The following COL4A6 variants were observed in gnomAD, a reference collection of about 807,000 sequenced individuals.
COL4A6 encodes the protein collagen alpha-6(IV) chain.
Under a neutral mutation model 126.7 loss-of-function variants are expected in COL4A6, and 59 were observed. The ratio of observed to expected loss-of-function variants is 0.47; its 90% CI spans 0.38 to 0.58. The LOEUF is 0.58. Among genes scored for constraint, COL4A6 ranks in the 20% least tolerant of loss-of-function variants. The probability of loss-of-function intolerance (pLI) is 0.00; values close to 1 mark genes in which losing one functional copy is unlikely to be tolerated. For missense variants in COL4A6, 1,285 were observed against 1,337.3 expected, an observed-to-expected ratio of 0.96 and a Z score of 0.61; for synonymous variants, 547 against 496.6, an observed-to-expected ratio of 1.10 and a Z score of -1.35.
intron 3 of COL4A6, among the ~76,000 whole-genome samples, chrX:108,281,895 A>T (rs999534851): frequency 2.7e-5 from 3 of 110,826 alleles, no homozygotes; most frequent in African/African-American, 9.8e-5. Flanking sequence ...AGCAATGGGG[A>T]AAGGATTCCC....
At chrX:108,346,146 G>T (rs748445845) in intron 2 of COL4A6, among the ~76,000 whole-genome samples, 1 of 111,519 alleles carries the variant, frequency 9.0e-6, no homozygotes, top group South Asian at 3.8e-4. Context: ...GAGCCATGTG[G>T]ATACTGCCTT....
At chrX:108,354,605 C>T (rs1315497598) in intron 2 of COL4A6, among the ~76,000 whole-genome samples, 1 of 93,010 alleles carries the variant, frequency 1.1e-5, no homozygotes, top group Non-Finnish European at 2.1e-5. Context: ...CCCTCCCCCC[C>T]CCCTTTTTTT....
intron 2 of COL4A6, among the ~76,000 whole-genome samples, chrX:108,391,230 G>C (rs1255566278): frequency 8.9e-6 from 1 of 112,059 alleles, no homozygotes; most frequent in Non-Finnish European, 1.9e-5. Context: ...GCTGTGCTGG[G>C]AGAACCGCTG....
At chrX:108,405,148 A>G (rs1426161925) in intron 2 of COL4A6, among the ~76,000 whole-genome samples, 1 of 111,081 alleles carries the variant, frequency 9.0e-6, no homozygotes, top group African/African-American at 3.3e-5. Context: ...TTTGAGAAGC[A>G]GTTTGAAATT....
chrX:108,433,421 C>T (rs774168790), intron 2 of COL4A6, among the ~76,000 whole-genome samples: 6 of 111,653 alleles, frequency 5.4e-5, no homozygotes, highest in Non-Finnish European at 1.1e-4. Context: ...TGTTATCCCA[C>T]GATGTTCTTT....
chrX:108,169,701 G>A (rs1184723421), intron 36 of COL4A6, 81 bp from the exon 37 acceptor site: 1 of 1,099,312 alleles, frequency 9.1e-7, no homozygotes, highest in Non-Finnish European at 1.2e-6. Flanking sequence ...TGTGGCCTGA[G>A]AAGCCTGACT....
intron 3 of COL4A6, among the ~76,000 whole-genome samples, chrX:108,303,258 G>C (rs1038691606): frequency 2.7e-5 from 3 of 111,125 alleles, no homozygotes; most frequent in Non-Finnish European, 5.7e-5. Context: ...AGGAATGAGG[G>C]ATGGAAAGCT....
intron 3 of COL4A6, among the ~76,000 whole-genome samples, chrX:108,291,798 C>T (rs1001291306): frequency 1.8e-5 from 2 of 111,962 alleles, no homozygotes; most frequent in East Asian, 5.6e-4. Context: ...GAATGTGGAG[C>T]TTCTTTTTAT....
chrX:108,335,819 G>C (rs2039419136), intron 2 of COL4A6, among the ~76,000 whole-genome samples: 1 of 110,827 alleles, frequency 9.0e-6, no homozygotes, highest in African/African-American at 3.3e-5. Context: ...AGAACATTTT[G>C]AATAAGACTA....
chrX:108,176,006 G>A (rs1200581912), intron 28 of COL4A6, among the ~76,000 whole-genome samples: 1 of 110,448 alleles, frequency 9.1e-6, no homozygotes, highest in East Asian at 2.8e-4. Context: ...TAGGGACATG[G>A]CACTACACAA....
intron 25 of COL4A6, 99 bp from the exon 26 acceptor site, chrX:108,179,537 C>T (rs2034615321): frequency 1.6e-6 from 1 of 637,070 alleles, no homozygotes; most frequent in Non-Finnish European, 2.4e-6. Flanking sequence ...TGAAAGCTAA[C>T]ATATTAATAA....
intron 29 of COL4A6, 124 bp from the exon 30 acceptor site, chrX:108,175,339 C>G: frequency 3.6e-6 from 3 of 840,491 alleles, no homozygotes; most frequent in Non-Finnish European, 4.9e-6. Context: ...CATCTTATTC[C>G]CCACCCCTAT....
chrX:108,241,019 A>T (rs1324329507), intron 3 of COL4A6, among the ~76,000 whole-genome samples: 3 of 110,872 alleles, frequency 2.7e-5, no homozygotes, highest in Non-Finnish European at 5.7e-5. Context: ...TGGGGTGATG[A>T]TAATGTTCTG....
At chrX:108,428,170 TA>T (rs373757078) in intron 2 of COL4A6, among the ~76,000 whole-genome samples, 89 of 100,763 alleles carry the variant, frequency 8.8e-4, no homozygotes, top group South Asian at 7.7e-3. Flanking sequence ...GCTAATGAGC[TA>T]AAAAAAAAAA....
At chrX:108,324,523 T>TAGC (rs1569425791) in intron 2 of COL4A6, among the ~76,000 whole-genome samples, 2 of 112,032 alleles carry the variant, frequency 1.8e-5, no homozygotes, top group East Asian at 5.6e-4. Context: ...TACTCAGATT[T>TAGC]AGCAAATAAA....
intron 3 of COL4A6, among the ~76,000 whole-genome samples, chrX:108,259,200 C>T (rs1031150462): frequency 9.0e-6 from 1 of 111,020 alleles, no homozygotes; most frequent in African/African-American, 3.3e-5. Context: ...AGTAAGACCC[C>T]ACAGTTAATC....
At position 108,188,608 on chromosome X, in the gene COL4A6, G is replaced by T. The variant is rs143358295; in HGVS notation, c.1496C>A (p.Pro499His). 12 of 1,196,569 alleles carry T rather than the reference G, an allele frequency of 1.0e-5. No individual in the cohort carries two copies. The highest frequency in any genetic ancestry group is 1.1e-5 in the Non-Finnish European group (10 of 888,536). Reference sequence around the variant, plus strand: ...AAGGCCTATGAGACCCCATGGACCAGGTGGGCCTGGTTCCCCGGGTGGTCC... The same window carrying T: ...AAGGCCTATGAGACCCCATGGACCATGTGGGCCTGGTTCCCCGGGTGGTCC... ...NTGPPGEPGP[P>H]GPWGLIGLPG... The change falls in exon 21 of 45, where the codon CCT (proline) becomes CAT (histidine). Residue 499 changes from proline to histidine, a missense_variant. By Grantham distance (77) the Pro-to-His change is moderately conservative. Transcript: ENST00000334504.
chrX:108,346,227 G>A (rs2039703360), intron 2 of COL4A6, among the ~76,000 whole-genome samples: 2 of 111,365 alleles, frequency 1.8e-5, no homozygotes, highest in African/African-American at 6.6e-5. Flanking sequence ...TGTGTGAAGC[G>A]CTTCAAGTGC....
chrX:108,385,961 A>T (rs1189921495), intron 2 of COL4A6, among the ~76,000 whole-genome samples: 3 of 109,997 alleles, frequency 2.7e-5, no homozygotes, highest in African/African-American at 1.0e-4. Context: ...GAGTGAGAAC[A>T]TGCAGTGTTT....
Sources: gnomAD v4.1 joint callset for allele counts (sites outside exome capture counted in the v4.1 genomes callset) on GRCh38, gnomAD v4.1.1 for gene constraint, MANE v1.5 for transcripts, NCBI Gene and HGNC (gene_info 2026-07-23, HGNC 2026-07-21) for gene names.